EML1: variants seen among roughly 807,000 people sequenced by gnomAD.
EML1 encodes the protein echinoderm microtubule-associated protein-like 1.
In EML1, 27 loss-of-function variants were observed where a neutral mutation model predicts 110.4. The ratio of observed to expected loss-of-function variants is 0.24; its 90% CI spans 0.18 to 0.34. The LOEUF is 0.34. Ranked by LOEUF, EML1 falls within the 10% of genes least tolerant of loss-of-function variation. The probability of loss-of-function intolerance (pLI) is 1.00; values close to 1 mark genes in which losing one functional copy is unlikely to be tolerated. For synonymous variants in EML1, 344 were observed against 385.8 expected (o/e 0.89, Z 1.27); for missense variants, 741 against 1,030.9 (o/e 0.72, Z 3.85).
chr14:99,912,441 G>T (rs892914948), intron 13 of EML1, among the ~76,000 whole-genome samples: 33 of 152,102 alleles, frequency 2.2e-4, no homozygotes, highest in African/African-American at 7.7e-4. Flanking sequence ...CCAGGAAATC[G>T]TGAGCAGACA....
chr14:99,890,316 G>A (rs180796958), intron 4 of EML1, among the ~76,000 whole-genome samples: 34 of 152,336 alleles, frequency 2.2e-4, no homozygotes, highest in African/African-American at 8.2e-4. Flanking sequence ...GAACTTTGGA[G>A]TCAAAGTTGA....
chr14:99,743,911 TA>T (rs139924368), intron 1 of EML1, among the ~76,000 whole-genome samples: 2 of 152,154 alleles, frequency 1.3e-5, no homozygotes, highest in African/African-American at 4.8e-5. Flanking sequence ...AGCTTTAAAA[TA>T]AAAAAACAGC....
At chr14:99,867,306 T>G (rs1340880072) in intron 3 of EML1, among the ~76,000 whole-genome samples, 1 of 152,200 alleles carries the variant, frequency 6.6e-6, no homozygotes, top group Non-Finnish European at 1.5e-5. Flanking sequence ...TTTTGGCTAT[T>G]TAGGGTCCCT....
chr14:99,918,277 T>C (rs995028260), intron 16 of EML1, among the ~76,000 whole-genome samples: 7 of 152,182 alleles, frequency 4.6e-5, no homozygotes, highest in Non-Finnish European at 1.0e-4. Flanking sequence ...TTTTATCTTT[T>C]GTAGAGACGC....
chr14:99,791,689 G>GC (rs1352723341), upstream of EML1, among the ~76,000 whole-genome samples: 1 of 152,158 alleles, frequency 6.6e-6, no homozygotes, highest in Non-Finnish European at 1.5e-5. Context: ...GGCTGTTCCA[G>GC]CAACAGGCCG....
chr14:99,759,204 C>T (rs2057288457), intron 1 of EML1, among the ~76,000 whole-genome samples: 1 of 152,340 alleles, frequency 6.6e-6, no homozygotes, highest in African/African-American at 2.4e-5. Context: ...CAGGTGTCTG[C>T]ATTCCCTACC....
chr14:99,859,025 T>A (rs534172509), intron 2 of EML1, among the ~76,000 whole-genome samples: 1 of 152,226 alleles, frequency 6.6e-6, no homozygotes, highest in Non-Finnish European at 1.5e-5. Context: ...ATCAAAAAAA[T>A]GCATTAGTAG....
chr14:99,811,239 TG>T (rs1419473157), intron 1 of EML1, among the ~76,000 whole-genome samples: 1 of 147,816 alleles, frequency 6.8e-6, no homozygotes, highest in Non-Finnish European at 1.5e-5. Flanking sequence ...TAGAGTGCAG[TG>T]GTTGATCACA....
rs2059992475 is a variant in EML1, at chr14:99,914,098, TATG to T, written c.1495-78_1495-76del. 9.8e-6 allele frequency: 15 copies of T among 1,533,912 alleles called. No individual in the cohort carries two copies. The South Asian group carries it at 1.3e-4, about 14-fold the overall frequency. On this transcript the variant is annotated intron_variant, in intron 13 of 21. Transcript: ENST00000262233. The stretch of plus-strand genomic sequence containing the variant: ...ATAAAACTGTTATAGGGACTATCAT[TATG>T]ATAAGTGTTTTGAATGACTGAGCTA...
intron 9 of EML1, among the ~76,000 whole-genome samples, chr14:99,904,034 C>T (rs910445923): frequency 3.3e-5 from 5 of 152,222 alleles, no homozygotes; most frequent in South Asian, 2.1e-4. Flanking sequence ...CCACCCGCCT[C>T]GGCCTCCCAA....
At chr14:99,875,908 C>G (rs1188107634) in intron 3 of EML1, among the ~76,000 whole-genome samples, 2 of 152,208 alleles carry the variant, frequency 1.3e-5, no homozygotes, top group African/African-American at 4.8e-5. Flanking sequence ...TTAAGGCACA[C>G]CCTGCAGATT....
chr14:99,822,294 C>T (rs1373381514), intron 1 of EML1, among the ~76,000 whole-genome samples: 2 of 152,080 alleles, frequency 1.3e-5, no homozygotes, highest in Non-Finnish European at 2.9e-5. Flanking sequence ...AATACATGTG[C>T]ATGTGGCTGT....
At chr14:99,769,552 C>CAG (rs1264128640), upstream of EML1, among the ~76,000 whole-genome samples, 5 of 152,170 alleles carry the variant, frequency 3.3e-5, no homozygotes, top group African/African-American at 1.2e-4. Context: ...AGGTCAGTTT[C>CAG]AATGGTTTGT....
In EML1 at chr14:99,823,319, GC is replaced by G. The variant is rs2058295919; in HGVS notation, c.68-27531del. On this transcript the variant is annotated intron_variant, in intron 1 of 21. Transcript: ENST00000262233. ...CCTGCACGTGGGTGGTGTCGGCCTT[GC>G]CCTGGCCGCACTGTGGCTGTGTCCC... is the stretch of plus-strand genomic sequence containing the variant. Among the ~76,000 whole-genome samples, 5 of 152,044 alleles carry G rather than the reference GC, an allele frequency of 3.3e-5. No homozygotes were observed. The South Asian group carries it at 1.0e-3, about 32-fold the overall frequency.
At position 99,871,455 on chromosome 14, in the gene EML1, G is replaced by A. The variant is rs998253992; in HGVS notation, c.383+5809G>A. ...TTGAGGCCAGGAGTTTGAGACTGCA[G>A]TGAGCCATGATTGTGCTACTGCACT... On this transcript the variant is annotated intron_variant, in intron 3 of 21. Transcript: ENST00000262233. Among the ~76,000 whole-genome samples, 10 of 152,078 alleles carry A rather than the reference G, an allele frequency of 6.6e-5. No homozygotes were observed. In the South Asian group the frequency reaches 2.1e-3, roughly 32 times the overall value.
intron 4 of EML1, among the ~76,000 whole-genome samples, chr14:99,890,711 C>T (rs181751914): frequency 9.2e-5 from 14 of 152,102 alleles, no homozygotes; most frequent in African/African-American, 3.1e-4. Flanking sequence ...TGGTGTTCCC[C>T]GCTTCTCTTT....
At chr14:99,816,084 T>TCAAA (rs979079756) in intron 1 of EML1, among the ~76,000 whole-genome samples, 4 of 152,352 alleles carry the variant, frequency 2.6e-5, no homozygotes, top group Non-Finnish European at 4.4e-5. Flanking sequence ...ATGTCAAATG[T>TCAAA]TGTCAGATGA....
intron 1 of EML1, among the ~76,000 whole-genome samples, chr14:99,753,743 G>C (rs1476976196): frequency 1.3e-5 from 2 of 152,186 alleles, no homozygotes; most frequent in African/African-American, 4.8e-5. Flanking sequence ...CTATTTCTCT[G>C]TTGCTGCTTG....
intron 17 of EML1, among the ~76,000 whole-genome samples, chr14:99,927,987 GTGA>G (rs2060280944): frequency 6.8e-6 from 1 of 146,874 alleles, no homozygotes. Context: ...GGTGGTGGTG[GTGA>G]TGGTGGTGGT....
Sources: gnomAD v4.1 joint callset for allele counts (sites outside exome capture counted in the v4.1 genomes callset) on GRCh38, gnomAD v4.1.1 for gene constraint, MANE v1.5 for transcripts, NCBI Gene and HGNC (gene_info 2026-07-23, HGNC 2026-07-21) for gene names.